Variants in THADA observed in about 807,000 individuals in gnomAD.
The protein encoded by THADA is THADA armadillo repeat containing, also known as tRNA (32-2'-O)-methyltransferase regulator THADA.
In THADA, 213 loss-of-function variants were observed where a neutral mutation model predicts 219.8. The observed-to-expected ratio is 0.97, with a 90% confidence interval of 0.87 to 1.09. THADA has a LOEUF of 1.09. Among genes scored for constraint, THADA ranks in the 50% least tolerant of loss-of-function variants. The pLI is 0.00. For missense variants in THADA, 2,956 were observed against 2,311.3 expected (o/e 1.28, Z -5.72); for synonymous variants, 1,018 against 828.9 (o/e 1.23, Z -3.92).
At chr2:43,547,038 C>A (rs2103853112) in intron 20 of THADA, among the ~76,000 whole-genome samples, 1 of 152,128 alleles carries the variant, frequency 6.6e-6, no homozygotes, top group East Asian at 1.9e-4. Context: ...TTTAGTGCTT[C>A]CTTCAGGAGC....
intron 22 of THADA, among the ~76,000 whole-genome samples, chr2:43,509,030 G>A (rs1690052942): frequency 6.6e-6 from 1 of 151,944 alleles, no homozygotes; most frequent in Non-Finnish European, 1.5e-5. Flanking sequence ...TTGATACATG[G>A]GTTTGCATCC....
At chr2:43,543,703 C>A (rs910020693) in intron 20 of THADA, among the ~76,000 whole-genome samples, 3 of 152,116 alleles carry the variant, frequency 2.0e-5, no homozygotes, top group African/African-American at 4.8e-5. Flanking sequence ...TGTCCTTTGC[C>A]CACTTTTTGA....
rs543201502 is a variant in THADA at position 43,350,594 on chromosome 2, T to A, written c.4228-6357A>T. Among the ~76,000 whole-genome samples, 3 of 152,364 alleles carry A rather than the reference T, an allele frequency of 2.0e-5. No individual in the cohort carries two copies. The East Asian group carries it at 5.8e-4, about 29-fold the overall frequency. On this transcript the variant is annotated intron_variant, in intron 29 of 37. Coordinates refer to ENST00000405975, the MANE Select transcript of THADA (RefSeq NM_022065.5). ...TACTGGGTATAAGTACCTACTTATATCATCTGTTCAGAGCTCAACATGTTG... is the reference window on the plus strand; with the variant it reads ...TACTGGGTATAAGTACCTACTTATAACATCTGTTCAGAGCTCAACATGTTG...
chr2:43,360,702 T>A (rs1669410659), intron 29 of THADA, among the ~76,000 whole-genome samples: 1 of 152,152 alleles, frequency 6.6e-6, no homozygotes, highest in African/African-American at 2.4e-5. Context: ...CACCCACCCA[T>A]CTGTCCATAA....
At chr2:43,257,912 A>T (rs1670508782) in intron 36 of THADA, among the ~76,000 whole-genome samples, 1 of 152,224 alleles carries the variant, frequency 6.6e-6, no homozygotes, top group African/African-American at 2.4e-5. Context: ...CAGGCAGCTC[A>T]GAAGCAGAGA....
intron 31 of THADA, among the ~76,000 whole-genome samples, chr2:43,295,343 C>T (rs1675246009): frequency 6.6e-6 from 1 of 152,242 alleles, no homozygotes; most frequent in Non-Finnish European, 1.5e-5. Flanking sequence ...CCTGCTGGCC[C>T]TTGCCTCAAA....
intron 31 of THADA, among the ~76,000 whole-genome samples, chr2:43,303,458 T>C (rs1243272909): frequency 6.6e-6 from 1 of 152,116 alleles, no homozygotes; most frequent in African/African-American, 2.4e-5. Flanking sequence ...TCCTGTTCTA[T>C]TATTTAGGGC....
intron 31 of THADA, among the ~76,000 whole-genome samples, chr2:43,311,173 T>C (rs1677466930): frequency 6.7e-6 from 1 of 149,384 alleles, no homozygotes; most frequent in Admixed American, 6.6e-5. Flanking sequence ...CGAAACTCCG[T>C]CTCAAAAAAA....
In THADA at chr2:43,586,701, C is replaced by A. The variant is rs547907426; in HGVS notation, c.484+1G>T. On this transcript the variant is annotated splice_donor_variant, in intron 6 of 37. Transcript: ENST00000405975. LOFTEE classifies it high-confidence loss of function. ...GAACAAAATAAAATAATAGGACTTA[C>A]CATTTTTAAGCAGATTATTAACACT... The A allele has an allele frequency of 6.8e-6, 11 of 1,611,072 alleles. No individual in the cohort carries two copies. The highest frequency in any genetic ancestry group is 1.7e-5 in the Admixed American group (1 of 59,486).
intron 31 of THADA, among the ~76,000 whole-genome samples, chr2:43,303,484 TAG>T (rs1676491689): frequency 1.3e-5 from 2 of 152,088 alleles, no homozygotes; most frequent in African/African-American, 4.8e-5. Context: ...CTCTCCTCTC[TAG>T]AGGAGAAGCA....
intron 28 of THADA, among the ~76,000 whole-genome samples, chr2:43,418,983 G>T (rs1677354801): frequency 6.6e-6 from 1 of 152,160 alleles, no homozygotes; most frequent in African/African-American, 2.4e-5. Context: ...GGCTGCAGTG[G>T]GTTAAGAAGG....
intron 26 of THADA, among the ~76,000 whole-genome samples, chr2:43,475,426 A>C (rs976920576): frequency 1.3e-5 from 2 of 150,828 alleles, no homozygotes; most frequent in African/African-American, 4.8e-5. Context: ...CTGTCTTAAA[A>C]AAAAAAAAAA....
chr2:43,506,709 G>A (rs901107492), intron 23 of THADA, among the ~76,000 whole-genome samples: 6 of 152,120 alleles, frequency 3.9e-5, no homozygotes, highest in African/African-American at 1.4e-4. Flanking sequence ...TTAAAAGGGT[G>A]ACTATATAGT....
chr2:43,529,181 C>G (rs1693559963), intron 21 of THADA, among the ~76,000 whole-genome samples: 1 of 151,740 alleles, frequency 6.6e-6, no homozygotes, highest in Non-Finnish European at 1.5e-5. Context: ...AGGGTCTGGT[C>G]TTGCTTTATC....
chr2:43,383,996 A>T (rs1426431691), intron 29 of THADA, among the ~76,000 whole-genome samples: 1 of 152,160 alleles, frequency 6.6e-6, no homozygotes, highest in African/African-American at 2.4e-5. Flanking sequence ...TCTAACATAC[A>T]CACACAGGCT....
At chr2:43,541,550 C>G (rs920856591) in intron 20 of THADA, among the ~76,000 whole-genome samples, 1 of 151,864 alleles carries the variant, frequency 6.6e-6, no homozygotes, top group Non-Finnish European at 1.5e-5. Context: ...GCTCTGTCAC[C>G]CAGGCTGGGG....
At chr2:43,246,893 C>A (rs1459494060) in intron 36 of THADA, among the ~76,000 whole-genome samples, 1 of 152,110 alleles carries the variant, frequency 6.6e-6, no homozygotes, top group Non-Finnish European at 1.5e-5. Context: ...TGTGGAGAAG[C>A]CTGGAAGGCA....
At chr2:43,517,873 C>T (rs1197641327) in intron 22 of THADA, among the ~76,000 whole-genome samples, 2 of 152,170 alleles carry the variant, frequency 1.3e-5, no homozygotes, top group African/African-American at 4.8e-5. Context: ...CGTATCTGGA[C>T]AATCTCATTA....
chr2:43,356,606 T>G (rs766289111), intron 29 of THADA, among the ~76,000 whole-genome samples: 1 of 152,140 alleles, frequency 6.6e-6, no homozygotes, highest in Non-Finnish European at 1.5e-5. Context: ...TTCTCAAACT[T>G]TCTCAATTCA....
Sources: allele counts gnomAD v4.1 joint callset (sites outside exome capture counted in the v4.1 genomes callset), GRCh38; gene constraint gnomAD v4.1.1; transcripts MANE v1.5; gene names NCBI Gene and HGNC (gene_info 2026-07-23, HGNC 2026-07-21).